The following NUCB2 variants were observed in gnomAD, a reference collection of about 807,000 sequenced individuals.
NUCB2 encodes the protein nucleobindin 2.
Under a neutral mutation model 57.9 loss-of-function variants are expected in NUCB2, and 48 were observed. The observed-to-expected ratio is 0.83, with a 90% CI of 0.66 to 1.05. NUCB2 has a LOEUF of 1.05. Ranked by LOEUF, NUCB2 falls within the 50% of genes least tolerant of loss-of-function variation. The pLI is 0.00. For synonymous variants in NUCB2, 139 were observed against 152.1 expected (o/e 0.91, Z 0.64); for missense variants, 442 against 476.2 (o/e 0.93, Z 0.67).
intron 2 of NUCB2, among the ~76,000 whole-genome samples, chr11:17,344,697 C>G (rs1952578064): frequency 6.6e-6 from 1 of 152,174 alleles, no homozygotes; most frequent in South Asian, 2.1e-4. Context: ...CTAATTAAGA[C>G]TAGGTGACTA....
At chr11:17,298,805 C>T (rs1317022693) in intron 4 of NUCB2, among the ~76,000 whole-genome samples, 1 of 151,662 alleles carries the variant, frequency 6.6e-6, no homozygotes, top group Non-Finnish European at 1.5e-5. Context: ...GTCAAGTGAT[C>T]CTCCCACCTC....
chr11:17,288,896 C>CACACACACACACACACACACACAG, intron 2 of NUCB2, among the ~76,000 whole-genome samples: 2 of 51,596 alleles, frequency 3.9e-5, no homozygotes, highest in Non-Finnish European at 6.2e-5. Context: ...CACACACACA[C>CACACACACACACACACACACACAG]ACACACACAC....
intron 2 of NUCB2, among the ~76,000 whole-genome samples, chr11:17,289,347 C>T (rs1480796160): frequency 6.6e-6 from 1 of 152,154 alleles, no homozygotes; most frequent in Non-Finnish European, 1.5e-5. Context: ...CTTTCTTCAT[C>T]TTATCAGAAG....
At chr11:17,296,371 C>T (rs1945824629) in intron 4 of NUCB2, among the ~76,000 whole-genome samples, 160 bp downstream of exon 4, 1 of 152,170 alleles carries the variant, frequency 6.6e-6, no homozygotes, top group Non-Finnish European at 1.5e-5. Flanking sequence ...GTGCGTGCCA[C>T]CATGCTTGGC....
intron 11 of NUCB2, among the ~76,000 whole-genome samples, chr11:17,318,710 T>C (rs924677892): frequency 2.0e-5 from 3 of 152,090 alleles, no homozygotes; most frequent in African/African-American, 7.2e-5. Flanking sequence ...TCTGGGACAA[T>C]TTGAACGTGG....
At chr11:17,326,279 C>T (rs1042001571) in intron 11 of NUCB2, among the ~76,000 whole-genome samples, 5 of 141,388 alleles carry the variant, frequency 3.5e-5, no homozygotes, top group East Asian at 2.2e-4. Flanking sequence ...GGATTACAGG[C>T]GTGAGCCTCT....
chr11:17,299,631 C>T (rs986428973), intron 4 of NUCB2, among the ~76,000 whole-genome samples: 3 of 151,954 alleles, frequency 2.0e-5, no homozygotes, highest in Non-Finnish European at 2.9e-5. Flanking sequence ...AAGCCAGGTG[C>T]GGTGGCTCAC....
chr11:17,348,336 T>G (rs1234888562), intron 2 of NUCB2, among the ~76,000 whole-genome samples: 14 of 130,760 alleles, frequency 1.1e-4, no homozygotes, highest in East Asian at 2.1e-4. Flanking sequence ...TTTTTTTTTT[T>G]TTTTTTTTTT....
chr11:17,288,549 C>CTTTTTTTTTTTT (rs752336919), intron 2 of NUCB2, among the ~76,000 whole-genome samples: 5 of 75,854 alleles, frequency 6.6e-5, no homozygotes, highest in Admixed American at 2.9e-4. Flanking sequence ...TCTTCTTCTT[C>CTTTTTTTTTTTT]TTCTTTTTTT....
chr11:17,312,003 G>A (rs556597041), intron 9 of NUCB2, 25 bp from the exon 10 acceptor site: 67 of 1,544,568 alleles, frequency 4.3e-5, no homozygotes, highest in Non-Finnish European at 5.1e-5. Flanking sequence ...TTCCTTTCAT[G>A]TTCATTTAAA....
chr11:17,282,975 A>T (rs1943005774), intron 2 of NUCB2, 32 bp downstream of exon 2: 1 of 152,214 alleles, frequency 6.6e-6, no homozygotes, highest in African/African-American at 2.4e-5. Flanking sequence ...TTGGTTGCAA[A>T]GAAACATGAC....
chr11:17,301,864 C>T lies in NUCB2; in HGVS notation c.373C>T (p.Leu125Phe). ...RMLIKAKLDS[L>F]QDIGMDHQAL... The stretch of plus-strand genomic sequence containing the variant: ...GTTAATTAAAGCTAAGTTGGATTCC[C>T]TTCAAGGTAAGTGCTAAACAAAAGG... Residue 125 changes from leucine to phenylalanine, a missense_variant, in exon 5 of 14, where the codon CTT (leucine) becomes TTT (phenylalanine). Transcript: ENST00000529010. 6.2e-7 allele frequency: 1 copy of T among 1,611,456 alleles called. No individual in the cohort carries two copies. Among genetic ancestry groups the T allele is most frequent in the Non-Finnish European group, 8.5e-7 (1 of 1,178,816 alleles).
At chr11:17,284,340 A>G (rs1211432808) in intron 2 of NUCB2, among the ~76,000 whole-genome samples, 1 of 152,034 alleles carries the variant, frequency 6.6e-6, no homozygotes, top group Non-Finnish European at 1.5e-5. Flanking sequence ...TTCTTTGTGA[A>G]TATTATATAA....
downstream of NUCB2, among the ~76,000 whole-genome samples, chr11:17,336,211 G>A (rs941504262): frequency 3.9e-5 from 6 of 152,044 alleles, no homozygotes; most frequent in African/African-American, 1.4e-4. Flanking sequence ...CTAAAGTGCT[G>A]GGATTACAGG....
chr11:17,324,491 T>C (rs1156878020), intron 11 of NUCB2, among the ~76,000 whole-genome samples: 1 of 152,176 alleles, frequency 6.6e-6, no homozygotes, highest in Non-Finnish European at 1.5e-5. Flanking sequence ...TAGAGGGCAG[T>C]GGCACTATGT....
chr11:17,331,301 T>C (rs911753923), intron 13 of NUCB2, 111 bp from the exon 14 acceptor site: 1 of 551,436 alleles, frequency 1.8e-6, no homozygotes, highest in Admixed American at 3.7e-5. Flanking sequence ...AAAATTGTGA[T>C]CTATGATTAG....
At chr11:17,279,095 G>C (rs998064734) in intron 1 of NUCB2, among the ~76,000 whole-genome samples, 2 of 152,060 alleles carry the variant, frequency 1.3e-5, no homozygotes, top group Non-Finnish European at 2.9e-5. Flanking sequence ...CAGGAGGCTG[G>C]AGCAGGGGAA....
At chr11:17,344,867 C>A (rs1162195814) in intron 2 of NUCB2, among the ~76,000 whole-genome samples, 1 of 152,190 alleles carries the variant, frequency 6.6e-6, no homozygotes, top group African/African-American at 2.4e-5. Flanking sequence ...TGTCCGAGCC[C>A]CTGTGTCCAG....
At chr11:17,292,913 G>A (rs1417265527) in intron 2 of NUCB2, among the ~76,000 whole-genome samples, 1 of 152,198 alleles carries the variant, frequency 6.6e-6, no homozygotes. Flanking sequence ...TTCAGTTAGT[G>A]TTTTAAAGCA....
Sources: allele counts gnomAD v4.1 joint callset (sites outside exome capture counted in the v4.1 genomes callset), GRCh38; gene constraint gnomAD v4.1.1; transcripts MANE v1.5; gene names NCBI Gene and HGNC (gene_info 2026-07-23, HGNC 2026-07-21).